Variants in MED30 observed in about 807,000 individuals in gnomAD.
MED30 encodes mediator complex subunit 30.
A neutral mutation model predicts 21.7 loss-of-function variants in MED30; 8 were observed. The observed-to-expected ratio is 0.37, with a 90% CI of 0.22 to 0.67. MED30 has a LOEUF of 0.67. Among genes scored for constraint, MED30 ranks in the 30% least tolerant of loss-of-function variants. MED30 has a pLI of 0.58. For missense variants in MED30, 203 were observed against 228.2 expected (o/e 0.89, Z 0.71); for synonymous variants, 79 against 86.7 (o/e 0.91, Z 0.49).
chr8:117,532,908 T>C (rs1342601430), intron 3 of MED30, among the ~76,000 whole-genome samples: 1 of 152,036 alleles, frequency 6.6e-6, no homozygotes, highest in Non-Finnish European at 1.5e-5. Context: ...CATTCACTTA[T>C]TAAGACGTGT....
Position 117,540,156 on chromosome 8 carries a change from GA to G in MED30, c.*181del, listed in dbSNP as rs1325993574. ...TTAACTTTTTTTAATGCTATTTTATGAAAGATTATTGTAATAAACTTTGATG... is the reference window on the plus strand; with the variant it reads ...TTAACTTTTTTTAATGCTATTTTATGAAGATTATTGTAATAAACTTTGATG... On this transcript the variant is annotated 3_prime_UTR_variant, in exon 4 of 4. Coordinates refer to ENST00000297347, the MANE Select transcript of MED30 (RefSeq NM_080651.4). 5.0e-6 allele frequency: 2 copies of G among 399,186 alleles called. No homozygotes were observed. Among genetic ancestry groups the G allele is most frequent in the Non-Finnish European group, 8.8e-6 (2 of 228,036 alleles). The allele number at this position is 399,186 out of a possible 1,614,324, so 24.7% of individuals were successfully genotyped here. A position where few individuals can be genotyped will look rare whatever the true frequency, so the allele number is the denominator to read the frequency against.
Position 117,528,848 on chromosome 8 carries a change from T to G in MED30, c.336+39T>G, listed in dbSNP as rs762121630. The stretch of plus-strand genomic sequence containing the variant: ...ATAGAGGGAGGATGAATATAAGGTG[T>G]GAACTAGTGTCAAGACAGTTGTTAA... On this transcript the variant is annotated intron_variant, in intron 2 of 3. Transcript: ENST00000297347. 1.1e-5 allele frequency: 16 copies of G among 1,460,052 alleles called. No individual in the cohort carries two copies. In the South Asian group the frequency reaches 2.1e-4, roughly 19 times the overall value. The allele number at this position is 1,460,052 out of a possible 1,614,324, so 90.4% of individuals were successfully genotyped here. A position where few individuals can be genotyped will look rare whatever the true frequency, so the allele number is the denominator to read the frequency against.
intron 1 of MED30, among the ~76,000 whole-genome samples, chr8:117,525,300 C>A (rs539135894): frequency 6.7e-6 from 1 of 149,666 alleles, no homozygotes; most frequent in South Asian, 2.1e-4. Context: ...ATATTTTTTT[C>A]CTGCTAAATG....
chr8:117,520,906 G>T lies in MED30; in HGVS notation c.30G>T (p.Gly10=). Residue 10 remains glycine, a synonymous_variant, in exon 1 of 4, where the codon GGG becomes GGT. Coordinates refer to ENST00000297347, the MANE Select transcript of MED30 (RefSeq NM_080651.4). ...CCACCCCTCCGTTGGCCGCGTCGGGGATGGCGCCCGGGCCCTTCGCCGGGC... is the reference window on the plus strand; with the variant it reads ...CCACCCCTCCGTTGGCCGCGTCGGGTATGGCGCCCGGGCCCTTCGCCGGGC... MSTPPLAAS[G]MAPGPFAGPQ... is the part of the protein sequence containing the mutation. The T allele has an allele frequency of 1.2e-6, 2 of 1,607,684 alleles. No homozygotes were observed. The highest frequency in any genetic ancestry group is 8.5e-7 in the Non-Finnish European group (1 of 1,177,438).
chr8:117,536,183 A>G (rs758353693), intron 3 of MED30, among the ~76,000 whole-genome samples: 30 of 152,196 alleles, frequency 2.0e-4, no homozygotes, highest in Non-Finnish European at 3.7e-4. Context: ...TGAGTGGACA[A>G]GTTTCTTCTT....
intron 3 of MED30, among the ~76,000 whole-genome samples, chr8:117,537,228 C>CT (rs963816554): frequency 5.3e-5 from 8 of 152,274 alleles, no homozygotes; most frequent in African/African-American, 1.7e-4. Flanking sequence ...TTAGCATCAA[C>CT]TTTTTTTAAG....
At chr8:117,522,394 T>C (rs1002092129) in intron 1 of MED30, among the ~76,000 whole-genome samples, 4 of 152,200 alleles carry the variant, frequency 2.6e-5, no homozygotes, top group Non-Finnish European at 5.9e-5. Context: ...TCCAAGTTCA[T>C]TGTTTTGCAT....
chr8:117,524,418 A>G (rs1818688928), intron 1 of MED30, among the ~76,000 whole-genome samples: 1 of 152,328 alleles, frequency 6.6e-6, no homozygotes, highest in East Asian at 1.9e-4. Context: ...TATACACTAG[A>G]TGTCCGTTAG....
chr8:117,531,829 A>T (rs10505294), intron 3 of MED30, among the ~76,000 whole-genome samples: 49,457 of 151,804 alleles, frequency 0.33, 8,522 homozygotes, highest in Middle Eastern at 0.44. Context: ...TTTAGAAGTT[A>T]TAGCCAGTAC....
chr8:117,525,180 G>C (rs1354091472), intron 1 of MED30, among the ~76,000 whole-genome samples: 2 of 152,174 alleles, frequency 1.3e-5, no homozygotes, highest in African/African-American at 4.8e-5. Context: ...GACCAGCACA[G>C]TGAGTTATAG....
chr8:117,540,147 C>A lies in MED30; in HGVS notation c.*169C>A. 1 of 407,372 alleles carries A rather than the reference C, an allele frequency of 2.5e-6. No individual in the cohort carries two copies. The highest frequency in any genetic ancestry group is 4.3e-6 in the Non-Finnish European group (1 of 233,524). 25.2% of individuals were successfully genotyped at this position (407,372 alleles called of 1,614,324 possible). ...ATTAAAATATTAACTTTTTTTAATG[C>A]TATTTTATGAAAGATTATTGTAATA... On this transcript the variant is annotated 3_prime_UTR_variant, in exon 4 of 4. Coordinates refer to ENST00000297347, the MANE Select transcript of MED30 (RefSeq NM_080651.4).
chr8:117,523,414 C>G, intron 1 of MED30: 1 of 1,561,462 alleles, frequency 6.4e-7, no homozygotes, highest in Non-Finnish European at 8.8e-7. Context: ...TCTTGTGAGT[C>G]TTGCAGGTCG....
chr8:117,520,758 CG>C lies in MED30; in HGVS notation c.-116del. On this transcript the variant is annotated 5_prime_UTR_variant, in exon 1 of 4. Transcript: ENST00000297347. ...GAAGTCGCGGCCGCTGTTTTGAAAT[CG>C]GGCCGCGGGGGGTCTCTCAAGCTGG... 1 of 1,038,108 alleles carries C rather than the reference CG, an allele frequency of 9.6e-7. No individual in the cohort carries two copies. Among genetic ancestry groups the C allele is most frequent in the Non-Finnish European group, 1.3e-6 (1 of 748,882 alleles). 64.3% of individuals were successfully genotyped at this position (1,038,108 alleles called of 1,614,324 possible).
intron 3 of MED30, among the ~76,000 whole-genome samples, chr8:117,533,236 T>A (rs1266509874): frequency 6.6e-6 from 1 of 152,176 alleles, no homozygotes; most frequent in African/African-American, 2.4e-5. Context: ...TAACATGTCT[T>A]TGACTTTTAA....
rs549522513 is a variant in MED30, at chr8:117,520,916, G to A, written c.40G>A (p.Gly14Arg). Residue 14 changes from glycine to arginine, a missense_variant, in exon 1 of 4, where the codon GGG (glycine) becomes AGG (arginine). By Grantham distance (125) the Gly-to-Arg change is moderately radical. Coordinates refer to ENST00000297347, the MANE Select transcript of MED30 (RefSeq NM_080651.4). ...PPLAASGMAPGPFAGPQAQQA... is the reference protein window; with the variant it reads ...PPLAASGMAPRPFAGPQAQQA... ...GTTGGCCGCGTCGGGGATGGCGCCC[G>A]GGCCCTTCGCCGGGCCCCAGGCTCA... 7 of 1,609,282 alleles carry A rather than the reference G, an allele frequency of 4.3e-6. No individual in the cohort carries two copies. The South Asian group carries it at 6.6e-5, about 15-fold the overall frequency.
Position 117,530,702 on chromosome 8 carries a change from AT to A in MED30, c.337-16del. On this transcript the variant is annotated intron_variant, in intron 2 of 3. Coordinates refer to ENST00000297347, the MANE Select transcript of MED30 (RefSeq NM_080651.4). The stretch of plus-strand genomic sequence containing the variant: ...ACTTGAATTATATTTTTGCCTTTTA[AT>A]TTTTGTTAATCATTCCCAGCAACTT... 5 of 1,584,294 alleles carry A rather than the reference AT, an allele frequency of 3.2e-6. No individual in the cohort carries two copies. Among genetic ancestry groups the A allele is most frequent in the Non-Finnish European group, 4.3e-6 (5 of 1,160,898 alleles).
At chr8:117,531,693 G>A (rs956740489) in intron 3 of MED30, among the ~76,000 whole-genome samples, 1 of 148,400 alleles carries the variant, frequency 6.7e-6, no homozygotes, top group Non-Finnish European at 1.5e-5. Flanking sequence ...AAGACAGTGT[G>A]TTTTTTTTTT....
Position 117,521,010 on chromosome 8 carries a change from T to C in MED30, c.134T>C (p.Val45Ala). The change falls in exon 1 of 4, where the codon GTG becomes GCG. Residue 45 changes from valine (V) to alanine (A), a missense_variant. Transcript: ENST00000297347. Reference protein sequence around the residue: ...RIGQETVQDIVYRTMEIFQLL... With the variant: ...RIGQETVQDIAYRTMEIFQLL... Reference sequence around the variant, plus strand: ...GGGCAGGAGACAGTGCAGGACATCGTGTACCGCACCATGGAGATCTTCCAG... The same window carrying C: ...GGGCAGGAGACAGTGCAGGACATCGCGTACCGCACCATGGAGATCTTCCAG... The C allele has an allele frequency of 6.2e-7, 1 of 1,605,506 alleles. No homozygotes were observed. The highest frequency in any genetic ancestry group is 8.5e-7 in the Non-Finnish European group (1 of 1,174,766).
chr8:117,524,454 T>G (rs1440907153), intron 1 of MED30, among the ~76,000 whole-genome samples: 7 of 152,220 alleles, frequency 4.6e-5, no homozygotes. Flanking sequence ...ATGAAAACTG[T>G]GAGCTCTCTT....
Sources: gnomAD v4.1 joint callset for allele counts (sites outside exome capture counted in the v4.1 genomes callset) on GRCh38, gnomAD v4.1.1 for gene constraint, MANE v1.5 for transcripts, NCBI Gene and HGNC (gene_info 2026-07-23, HGNC 2026-07-21) for gene names.